TPGS2: variants seen among roughly 807,000 people sequenced by gnomAD.
TPGS2 encodes polyglutamylase subunit 2.
TPGS2 carries 26 observed loss-of-function variants against 31.1 expected under a neutral mutation model. That is an observed-to-expected ratio of 0.84 (90% CI 0.61 to 1.16). The LOEUF is 1.16. Among genes scored for constraint, TPGS2 ranks in the 50% most tolerant of loss-of-function variants. TPGS2 has a pLI of 0.00. For synonymous variants in TPGS2, 130 were observed against 136.6 expected (o/e 0.95, Z 0.34); for missense variants, 351 against 363.8 (o/e 0.96, Z 0.29).
chr18:36,808,072 CT>C, intron 2 of TPGS2, 138 bp from the exon 3 acceptor site: 1 of 812,916 alleles, frequency 1.2e-6, no homozygotes, highest in Non-Finnish European at 2.0e-6. Flanking sequence ...CTACAAAACT[CT>C]ATTAGAGAGG....
chr18:36,780,357 A>C (rs1237033084), downstream of TPGS2, among the ~76,000 whole-genome samples: 3 of 152,236 alleles, frequency 2.0e-5, no homozygotes, highest in Non-Finnish European at 2.9e-5. Flanking sequence ...AGCAAAAATG[A>C]GAGCAGCAGT....
chr18:36,809,795 TTTC>T (rs757980069), intron 2 of TPGS2, among the ~76,000 whole-genome samples: 1 of 152,322 alleles, frequency 6.6e-6, no homozygotes, highest in East Asian at 1.9e-4. Context: ...TCTATCCGCC[TTTC>T]TTAATGGGGA....
intron 2 of TPGS2, among the ~76,000 whole-genome samples, chr18:36,817,355 G>A (rs2045701207): frequency 6.6e-6 from 1 of 152,182 alleles, no homozygotes; most frequent in Admixed American, 6.5e-5. Flanking sequence ...CATGTTCTTA[G>A]AGGCAGGCAA....
rs2044501396 is a variant in TPGS2, at chr18:36,795,840, A to C, written c.*965T>G. ...GAGGCTGGACAACTCAGAGCTGTGAAGAGGCAGGCAGAGCAGGTGGAAAGC... is the reference window on the plus strand; with the variant it reads ...GAGGCTGGACAACTCAGAGCTGTGACGAGGCAGGCAGAGCAGGTGGAAAGC... On this transcript the variant is annotated 3_prime_UTR_variant, in exon 7 of 7. Coordinates refer to ENST00000334295, the MANE Select transcript of TPGS2 (RefSeq NM_015476.4). The C allele has an allele frequency of 3.0e-6, 3 of 985,374 alleles. No homozygotes were observed. The highest frequency in any genetic ancestry group is 3.6e-6 in the Non-Finnish European group (3 of 829,956). 61.0% of individuals were successfully genotyped at this position (985,374 alleles called of 1,614,324 possible).
chr18:36,788,885 A>C (rs1057509), intron 6 of TPGS2: 2 of 152,288 alleles, frequency 1.3e-5, no homozygotes, highest in South Asian at 2.1e-4. Flanking sequence ...TGAGGCTAGG[A>C]GGACGATCCC....
At chr18:36,816,559 C>T (rs192880780) in intron 2 of TPGS2, among the ~76,000 whole-genome samples, 5 of 152,316 alleles carry the variant, frequency 3.3e-5, no homozygotes, top group Non-Finnish European at 7.3e-5. Context: ...AGGTCCTCAG[C>T]AGACAGGAAA....
At chr18:36,816,556 C>T (rs12954175) in intron 2 of TPGS2, among the ~76,000 whole-genome samples, 2,426 of 152,314 alleles carry the variant, frequency 0.016, 23 homozygotes, top group Middle Eastern at 0.027. Flanking sequence ...TCCAGGTCCT[C>T]AGCAGACAGG....
chr18:36,805,496 A>T lies in TPGS2; in HGVS notation c.260T>A (p.Ile87Asn), dbSNP rs746281969. Residue 87 changes from isoleucine to asparagine, a missense_variant, in exon 4 of 7, where the codon ATC (isoleucine) becomes AAC (asparagine). Physicochemically the swap from Ile to Asn is moderately radical, Grantham distance 149 (BLOSUM62 -3). Transcript: ENST00000334295. ...AATTGCCATGCTTCCCAGTGGAATG[A>T]TGTGCTCTAGGGGAACATGCGTTAA... ...MTWSVKLDEH[I>N]IPLGSMAINS... 4.3e-6 allele frequency: 7 copies of T among 1,614,080 alleles called. No individual in the cohort carries two copies. In the South Asian group the frequency reaches 6.6e-5, roughly 15 times the overall value.
rs374069686 is a variant in TPGS2 at position 36,800,326 on chromosome 18, G to A, written c.383-15C>T. On this transcript the variant is annotated splice_polypyrimidine_tract_variant and intron_variant, in intron 4 of 6. Transcript: ENST00000334295. ...ATCATCACTGGCTGCAAACCCAGAA[G>A]TTAATGGTAATGTTCAAACAAACTC... The A allele has an allele frequency of 4.3e-6, 7 of 1,611,048 alleles. No homozygotes were observed. The highest frequency in any genetic ancestry group is 1.3e-5 in the African/African-American group (1 of 74,996).
intron 1 of TPGS2, among the ~76,000 whole-genome samples, chr18:36,822,818 T>C (rs1421311173): frequency 6.6e-6 from 1 of 152,168 alleles, no homozygotes; most frequent in Non-Finnish European, 1.5e-5. Flanking sequence ...AGGCTTGTCT[T>C]GAACTCCTGG....
intron 1 of TPGS2, chr18:36,823,860 A>G (rs941180330): frequency 1.0e-6 from 1 of 985,390 alleles, no homozygotes; most frequent in African/African-American, 1.7e-5. Context: ...GTATCTCATC[A>G]TCTTCACAGT....
chr18:36,795,912 A>AGTT lies in TPGS2; in HGVS notation c.*890_*892dup. The stretch of plus-strand genomic sequence containing the variant: ...CCATTAAAACTCTTTCTTTATGAAG[A>AGTT]GTTGTGCAAAACAATGTTTGGGAAT... On this transcript the variant is annotated 3_prime_UTR_variant, in exon 7 of 7. Transcript: ENST00000334295. The AGTT allele has an allele frequency of 1.0e-6, 1 of 985,466 alleles. No individual in the cohort carries two copies. Among genetic ancestry groups the AGTT allele is most frequent in the Non-Finnish European group, 1.2e-6 (1 of 829,940 alleles). 61.0% of individuals were successfully genotyped at this position (985,466 alleles called of 1,614,324 possible). A position where few individuals can be genotyped will look rare whatever the true frequency, so the allele number is the denominator to read the frequency against.
chr18:36,800,693 C>CTTTTT (rs143440654), intron 4 of TPGS2, among the ~76,000 whole-genome samples: 1 of 143,332 alleles, frequency 7.0e-6, no homozygotes. Context: ...ATCTTTCTTT[C>CTTTTT]TTTTTTTTTT....
chr18:36,814,498 A>G (rs1568023298), intron 2 of TPGS2, among the ~76,000 whole-genome samples: 1 of 152,148 alleles, frequency 6.6e-6, no homozygotes, highest in Admixed American at 6.5e-5. Context: ...TTCTTCCTGG[A>G]TTTGCAGTAT....
intron 4 of TPGS2, among the ~76,000 whole-genome samples, chr18:36,801,392 C>T (rs1045077417): frequency 1.3e-5 from 2 of 152,138 alleles, no homozygotes; most frequent in Admixed American, 6.5e-5. Context: ...AGTGCAGTGA[C>T]ATGTGAACAT....
chr18:36,795,251 C>T lies in TPGS2; in HGVS notation c.*1554G>A. On this transcript the variant is annotated 3_prime_UTR_variant, in exon 7 of 7. Coordinates refer to ENST00000334295, the MANE Select transcript of TPGS2 (RefSeq NM_015476.4). ...AGAATCCTGTGGACTGCTCTTAGTT[C>T]CCCAGTGGGTTTGGAAGAGGGAAAC... 1.0e-6 allele frequency: 1 copy of T among 985,332 alleles called. No homozygotes were observed. The highest frequency in any genetic ancestry group is 1.2e-6 in the Non-Finnish European group (1 of 829,914). 61.0% of individuals were successfully genotyped at this position (985,332 alleles called of 1,614,324 possible).
intron 5 of TPGS2, among the ~76,000 whole-genome samples, chr18:36,799,537 G>C (rs1378266314): frequency 1.3e-5 from 2 of 152,040 alleles, no homozygotes; most frequent in Non-Finnish European, 2.9e-5. Flanking sequence ...CTCCCCACCC[G>C]GTATCTAATT....
chr18:36,827,443 A>G (rs910244100), intron 1 of TPGS2, among the ~76,000 whole-genome samples: 1 of 152,250 alleles, frequency 6.6e-6, no homozygotes, highest in Admixed American at 6.5e-5. Context: ...TCAGAGAAAG[A>G]TAATTCCAGG....
chr18:36,820,292 C>G (rs1423140632), intron 1 of TPGS2, among the ~76,000 whole-genome samples: 42 of 152,188 alleles, frequency 2.8e-4, no homozygotes, highest in Non-Finnish European at 1.5e-5. Flanking sequence ...CTGTTTATAA[C>G]AGGCCTCCAT....
Sources: gnomAD v4.1 joint callset for allele counts (sites outside exome capture counted in the v4.1 genomes callset) on GRCh38, gnomAD v4.1.1 for gene constraint, MANE v1.5 for transcripts, NCBI Gene and HGNC (gene_info 2026-07-23, HGNC 2026-07-21) for gene names.